The following CD8B variants were observed in gnomAD, a reference collection of about 807,000 sequenced individuals.
CD8B encodes the protein CD8 subunit beta, also known as T-cell surface glycoprotein CD8 beta chain.
Under a neutral mutation model 24.2 loss-of-function variants are expected in CD8B, and 6 were observed. The ratio of observed to expected loss-of-function variants is 0.25; its 90% CI spans 0.14 to 0.49. CD8B has a LOEUF of 0.49. Ranked by LOEUF, CD8B falls within the 20% of genes least tolerant of loss-of-function variation. The pLI is 0.98. For synonymous variants in CD8B, 84 were observed against 108.3 expected (o/e 0.78, Z 1.39); for missense variants, 196 against 271.3 (o/e 0.72, Z 1.95).
chr2:86,821,321 TA>T (rs1380862176), intron 5 of CD8B, among the ~76,000 whole-genome samples: 1 of 152,172 alleles, frequency 6.6e-6, no homozygotes, highest in Non-Finnish European at 1.5e-5. Flanking sequence ...GTGTGATTTC[TA>T]AGACGCCATT....
intron 5 of CD8B, chr2:86,822,409 T>C (rs1037795161): frequency 1.5e-6 from 2 of 1,298,736 alleles, no homozygotes; most frequent in Non-Finnish European, 1.1e-6. Context: ...AGATGTTAAA[T>C]GTTAAAAGCA....
chr2:86,840,619 G>A lies in CD8B; in HGVS notation c.*1688C>T, dbSNP rs941872691. ...GAAAACTTTGCAATTGGGCCCATGGGCTATCTGCTTAGGGTCCACTCCTAC... is the reference window on the plus strand; with the variant it reads ...GAAAACTTTGCAATTGGGCCCATGGACTATCTGCTTAGGGTCCACTCCTAC... On this transcript the variant is annotated 3_prime_UTR_variant, in exon 6 of 6. Transcript: ENST00000390655. Among the ~76,000 whole-genome samples, 1 of 152,332 alleles carries A rather than the reference G, an allele frequency of 6.6e-6. No homozygotes were observed. Among genetic ancestry groups the A allele is most frequent in the African/African-American group, 2.4e-5 (1 of 41,582 alleles).
In CD8B at chr2:86,858,106, G is replaced by A. The variant is rs1473844682; in HGVS notation, c.354C>T (p.Ile118=). Residue 118 remains isoleucine, a synonymous_variant, in exon 2 of 6, where the codon ATC becomes ATT. Coordinates refer to ENST00000390655, the MANE Select transcript of CD8B (RefSeq NM_004931.5). ...PEDSGIYFCM[I]VGSPELTFGK... is the part of the protein sequence containing the mutation. Reference sequence around the variant, plus strand: ...CGAAGGTCAGCTCGGGGCTCCCGACGATCATGCAGAAGTAGATGCCACTGT... The same window carrying A: ...CGAAGGTCAGCTCGGGGCTCCCGACAATCATGCAGAAGTAGATGCCACTGT... 11 of 1,613,970 alleles carry A rather than the reference G, an allele frequency of 6.8e-6. No homozygotes were observed. Among genetic ancestry groups the A allele is most frequent in the Non-Finnish European group, 9.3e-6 (11 of 1,179,850 alleles).
rs571971061 is a variant in CD8B, at chr2:86,844,108, C to T, written c.620+814G>A. Among the ~76,000 whole-genome samples the T allele has an allele frequency of 1.1e-3, 161 of 152,314 alleles. 3 individuals are homozygous for T. The South Asian group carries it at 0.032, about 30-fold the overall frequency. ...TGCCCTGGCCCAGGATGGCTTCCAA[C>T]AGCCTCATGAAAGACCCAGGACCTA... is the stretch of plus-strand genomic sequence containing the variant. On this transcript the variant is annotated intron_variant, in intron 5 of 5. Transcript: ENST00000390655.
At chr2:86,818,096 G>T (rs891778622) in intron 5 of CD8B, among the ~76,000 whole-genome samples, 1 of 152,110 alleles carries the variant, frequency 6.6e-6, no homozygotes, top group Admixed American at 6.5e-5. Flanking sequence ...TGTGGTCCCA[G>T]CTACTCAGGA....
chr2:86,843,200 C>G (rs1013725869), intron 5 of CD8B, among the ~76,000 whole-genome samples: 1 of 152,142 alleles, frequency 6.6e-6, no homozygotes, highest in Non-Finnish European at 1.5e-5. Flanking sequence ...TCAAGTGATT[C>G]TCTTACCTCA....
intron 5 of CD8B, among the ~76,000 whole-genome samples, chr2:86,821,141 C>CTT (rs200332790): frequency 1.8e-4 from 24 of 133,582 alleles, no homozygotes; most frequent in Admixed American, 5.9e-4. Flanking sequence ...ATCAACTTTA[C>CTT]TTTTTTTTTT....
chr2:86,858,103 G>A lies in CD8B; in HGVS notation c.357C>T (p.Val119=), dbSNP rs568268878. Residue 119 remains valine (V), a synonymous_variant, in exon 2 of 6, where the codon GTC becomes GTT. Coordinates refer to ENST00000390655, the MANE Select transcript of CD8B (RefSeq NM_004931.5). ...EDSGIYFCMI[V]GSPELTFGKG... ...TCCCGAAGGTCAGCTCGGGGCTCCC[G>A]ACGATCATGCAGAAGTAGATGCCAC... The A allele has an allele frequency of 2.3e-5, 37 of 1,613,954 alleles. No individual in the cohort carries two copies. Among genetic ancestry groups the A allele is most frequent in the Admixed American group, 1.5e-4 (9 of 60,018 alleles).
intron 3 of CD8B, among the ~76,000 whole-genome samples, chr2:86,847,580 C>G (rs947615753): frequency 1.3e-5 from 2 of 152,142 alleles, no homozygotes; most frequent in Non-Finnish European, 2.9e-5. Flanking sequence ...GAGTCTCGCT[C>G]TGTCACACAC....
intron 3 of CD8B, among the ~76,000 whole-genome samples, chr2:86,850,669 C>T (rs1675929205): frequency 6.6e-6 from 1 of 152,170 alleles, no homozygotes; most frequent in African/African-American, 2.4e-5. Context: ...CCTCCACCTA[C>T]TTTCCCCACA....
intron 5 of CD8B, among the ~76,000 whole-genome samples, chr2:86,826,038 A>C (rs949057901): frequency 2.0e-5 from 3 of 152,084 alleles, no homozygotes; most frequent in African/African-American, 7.2e-5. Flanking sequence ...TTTGCAGACC[A>C]AGCAGGCTCA....
intron 5 of CD8B, among the ~76,000 whole-genome samples, chr2:86,827,685 C>T (rs1674748174): frequency 1.3e-5 from 2 of 151,282 alleles, no homozygotes; most frequent in Admixed American, 6.6e-5. Context: ...AGGGTGTTCA[C>T]GTTTTATTTT....
chr2:86,818,133 T>A (rs1674327859), intron 5 of CD8B, among the ~76,000 whole-genome samples: 1 of 152,034 alleles, frequency 6.6e-6, no homozygotes, highest in Non-Finnish European at 1.5e-5. Context: ...TTGCTTGAAC[T>A]GGGAGATGGA....
chr2:86,858,165 A>T lies in CD8B; in HGVS notation c.295T>A (p.Phe99Ile). The T allele has an allele frequency of 1.2e-6, 2 of 1,613,852 alleles. No individual in the cohort carries two copies. The highest frequency in any genetic ancestry group is 2.2e-5 in the South Asian group (2 of 91,066). Residue 99 changes from phenylalanine to isoleucine, a missense_variant, in exon 2 of 6, where the codon TTC (phenylalanine) becomes ATC (isoleucine). Coordinates refer to ENST00000390655, the MANE Select transcript of CD8B (RefSeq NM_004931.5). ...TTCACGCTTGTGAGATTGAGAATGA[A>T]CCGGCTTGCATCCCGAAACACAGCT... is the stretch of plus-strand genomic sequence containing the variant. ...KIAVFRDASR[F>I]ILNLTSVKPE...
At chr2:86,833,031 C>T (rs1416321174) in intron 5 of CD8B, 1 of 406,498 alleles carries the variant, frequency 2.5e-6, no homozygotes, top group African/African-American at 2.1e-5. Flanking sequence ...CCCCTCCACC[C>T]TTCCTCTTGC....
intron 1 of CD8B, among the ~76,000 whole-genome samples, chr2:86,860,383 G>A (rs368602193): frequency 1.3e-5 from 2 of 149,434 alleles, no homozygotes; most frequent in Non-Finnish European, 3.0e-5. Context: ...ACCACACTGC[G>A]GTTCCAGCAG....
At chr2:86,828,219 A>G (rs1023914634) in intron 5 of CD8B, among the ~76,000 whole-genome samples, 5 of 152,164 alleles carry the variant, frequency 3.3e-5, no homozygotes, top group African/African-American at 1.2e-4. Context: ...ATGTCAATAA[A>G]CAACATGTAA....
At chr2:86,832,915 GTCTCCTCTCC>G (rs1299082686) in intron 5 of CD8B, 2 of 186,476 alleles carry the variant, frequency 1.1e-5, no homozygotes, top group African/African-American at 3.4e-5. Context: ...GTCAGCACTG[GTCTCCTCTCC>G]TCTCCTCTCC....
chr2:86,857,073 A>C (rs1676302045), intron 2 of CD8B, among the ~76,000 whole-genome samples: 1 of 152,074 alleles, frequency 6.6e-6, no homozygotes, highest in Non-Finnish European at 1.5e-5. Context: ...CTCTGGGATT[A>C]AGTGGGTCAT....
Sources: allele counts gnomAD v4.1 joint callset (sites outside exome capture counted in the v4.1 genomes callset), GRCh38; gene constraint gnomAD v4.1.1; transcripts MANE v1.5; gene names NCBI Gene and HGNC (gene_info 2026-07-23, HGNC 2026-07-21).